SESN1: variants seen among roughly 807,000 people sequenced by gnomAD.
SESN1 encodes sestrin-1.
Under a neutral mutation model 59.3 loss-of-function variants are expected in SESN1, and 30 were observed. The observed-to-expected ratio is 0.51, with a 90% CI of 0.38 to 0.69. SESN1 has a LOEUF of 0.69. SESN1 is among the 30% of genes least tolerant of loss of function. The probability of loss-of-function intolerance (pLI) is 0.00; values close to 1 mark genes in which losing one functional copy is unlikely to be tolerated. For synonymous variants in SESN1, 197 were observed against 219.9 expected (o/e 0.90, Z 0.92); for missense variants, 566 against 673.0 (o/e 0.84, Z 1.76).
intron 1 of SESN1, among the ~76,000 whole-genome samples, chr6:109,016,210 TC>T (rs1264145786): frequency 1.3e-5 from 2 of 152,190 alleles, no homozygotes; most frequent in East Asian, 1.9e-4. Flanking sequence ...TAATTTTTAT[TC>T]AAAGAAACAA....
chr6:108,986,575 T>A lies in SESN1; in HGVS notation c.*969A>T, dbSNP rs771205119. 1.3e-5 allele frequency: 2 copies of A among 152,670 alleles called. No homozygotes were observed. The highest frequency in any genetic ancestry group is 2.9e-5 in the Non-Finnish European group (2 of 68,042). 9.5% of individuals were successfully genotyped at this position (152,670 alleles called of 1,614,324 possible). A position where few individuals can be genotyped will look rare whatever the true frequency, so the allele number is the denominator to read the frequency against. On this transcript the variant is annotated 3_prime_UTR_variant, in exon 10 of 10. Coordinates refer to ENST00000436639, the MANE Select transcript of SESN1 (RefSeq NM_014454.3). ...TTGCATTTCAAACAAAGTTAGCGTT[T>A]TTGTAAATCAAATTTGATAACCCGA... is the stretch of plus-strand genomic sequence containing the variant.
chr6:109,063,122 G>A (rs1401481976), intron 1 of SESN1, among the ~76,000 whole-genome samples: 1 of 152,298 alleles, frequency 6.6e-6, no homozygotes, highest in East Asian at 1.9e-4. Context: ...CCCTGTCTGA[G>A]TCCCAGGAGT....
intron 1 of SESN1, among the ~76,000 whole-genome samples, chr6:109,028,663 A>C (rs1335816584): frequency 6.6e-6 from 1 of 152,224 alleles, no homozygotes; most frequent in African/African-American, 2.4e-5. Context: ...TAAAAATAGT[A>C]TTAGTTGATG....
At chr6:109,060,716 AATT>A (rs745487564) in intron 1 of SESN1, among the ~76,000 whole-genome samples, 2 of 152,206 alleles carry the variant, frequency 1.3e-5, no homozygotes, top group Admixed American at 1.3e-4. Flanking sequence ...ATCTCACTGA[AATT>A]ATAATTAAAT....
At chr6:109,089,277 G>C (rs903591974) in intron 1 of SESN1, among the ~76,000 whole-genome samples, 2 of 152,176 alleles carry the variant, frequency 1.3e-5, no homozygotes, top group African/African-American at 4.8e-5. Flanking sequence ...ATTAATATTT[G>C]CTTTCTCATG....
intron 1 of SESN1, among the ~76,000 whole-genome samples, chr6:109,061,358 T>C (rs573637593): frequency 2.0e-5 from 3 of 152,332 alleles, no homozygotes; most frequent in East Asian, 3.9e-4. Flanking sequence ...GTATAACATG[T>C]AAAATAAAAA....
intron 4 of SESN1, 200 bp downstream of exon 4, chr6:109,000,291 A>G (rs1461477593): frequency 4.7e-6 from 2 of 421,702 alleles, no homozygotes; most frequent in East Asian, 7.1e-5. Context: ...AATGTGAACT[A>G]TAGAGTTACT....
intron 3 of SESN1, among the ~76,000 whole-genome samples, 173 bp downstream of exon 3, chr6:109,001,115 T>G (rs529290429): frequency 1.3e-5 from 2 of 152,328 alleles, no homozygotes; most frequent in African/African-American, 4.8e-5. Flanking sequence ...CTTCTTTTTC[T>G]GTTATACTTG....
At chr6:109,024,508 A>G (rs1780060522) in intron 1 of SESN1, among the ~76,000 whole-genome samples, 4 of 152,226 alleles carry the variant, frequency 2.6e-5, no homozygotes, top group Admixed American at 2.6e-4. Context: ...CCTCGATATT[A>G]GTGCTTCTTA....
At chr6:109,020,680 T>C (rs972325014) in intron 1 of SESN1, among the ~76,000 whole-genome samples, 2 of 152,148 alleles carry the variant, frequency 1.3e-5, no homozygotes, top group Admixed American at 1.3e-4. Context: ...TTTTCAAGAG[T>C]TACAGATTTC....
At chr6:109,007,209 T>C (rs911550998) in intron 1 of SESN1, among the ~76,000 whole-genome samples, 1 of 152,212 alleles carries the variant, frequency 6.6e-6, no homozygotes, top group Non-Finnish European at 1.5e-5. Flanking sequence ...ATGTTGACAG[T>C]AGTACCACAG....
chr6:109,029,897 C>T (rs1039568047), intron 1 of SESN1, among the ~76,000 whole-genome samples: 9 of 152,080 alleles, frequency 5.9e-5, no homozygotes, highest in Admixed American at 1.3e-4. Flanking sequence ...TATCTAATTA[C>T]GTTATATTTT....
intron 1 of SESN1, among the ~76,000 whole-genome samples, chr6:109,077,237 G>C (rs755298068): frequency 2.0e-5 from 3 of 151,888 alleles, no homozygotes; most frequent in Non-Finnish European, 4.4e-5. Flanking sequence ...CATTGATTTT[G>C]TTTTCCAATA....
At chr6:109,074,058 G>A (rs1245892445) in intron 1 of SESN1, among the ~76,000 whole-genome samples, 1 of 152,090 alleles carries the variant, frequency 6.6e-6, no homozygotes, top group Non-Finnish European at 1.5e-5. Context: ...TTTTTACTGT[G>A]CCTTTTCTAT....
chr6:109,009,520 G>A, intron 1 of SESN1: 1 of 1,188,640 alleles, frequency 8.4e-7, no homozygotes, highest in Non-Finnish European at 1.0e-6. Flanking sequence ...GCCGGCCGCG[G>A]CTCCTGGCTG....
intron 1 of SESN1, among the ~76,000 whole-genome samples, chr6:109,072,976 T>C (rs1308978138): frequency 6.6e-6 from 1 of 152,198 alleles, no homozygotes; most frequent in Non-Finnish European, 1.5e-5. Context: ...AAATTTTTAT[T>C]ATTTGCATTC....
At chr6:109,065,473 T>C (rs1780808869) in intron 1 of SESN1, among the ~76,000 whole-genome samples, 2 of 152,152 alleles carry the variant, frequency 1.3e-5, no homozygotes, top group Non-Finnish European at 2.9e-5. Flanking sequence ...AATCACCTGA[T>C]TGTCCCTCTC....
At chr6:109,041,081 G>T (rs906622165) in intron 1 of SESN1, among the ~76,000 whole-genome samples, 1 of 151,798 alleles carries the variant, frequency 6.6e-6, no homozygotes, top group Non-Finnish European at 1.5e-5. Context: ...AAGGAGATTA[G>T]CATGAGCCCA....
intron 1 of SESN1, among the ~76,000 whole-genome samples, chr6:109,028,610 T>C (rs1780133463): frequency 6.6e-6 from 1 of 152,214 alleles, no homozygotes; most frequent in African/African-American, 2.4e-5. Flanking sequence ...TTAAACAAGA[T>C]GGTTCTACTT....
Sources: allele counts gnomAD v4.1 joint callset (sites outside exome capture counted in the v4.1 genomes callset), GRCh38; gene constraint gnomAD v4.1.1; transcripts MANE v1.5; gene names NCBI Gene and HGNC (gene_info 2026-07-23, HGNC 2026-07-21).